Variants in AGBL4 observed in about 807,000 individuals in gnomAD.
AGBL4 encodes cytosolic carboxypeptidase 6.
Under a neutral mutation model 66.4 loss-of-function variants are expected in AGBL4, and 58 were observed. The ratio of observed to expected loss-of-function variants is 0.87; its 90% confidence interval spans 0.71 to 1.09. The LOEUF is 1.09. AGBL4 is among the 50% of genes least tolerant of loss of function. The probability of loss-of-function intolerance (pLI) is 0.00; values close to 1 mark genes in which losing one functional copy is unlikely to be tolerated. For synonymous variants in AGBL4, 234 were observed against 222.9 expected (o/e 1.05, Z -0.44); for missense variants, 579 against 631.0 (o/e 0.92, Z 0.88).
chr1:49,911,459 A>C (rs937372394), intron 1 of AGBL4, among the ~76,000 whole-genome samples: 1 of 152,178 alleles, frequency 6.6e-6, no homozygotes, highest in Non-Finnish European at 1.5e-5. Context: ...ATACAATATA[A>C]ATCATGCTCA....
chr1:49,724,526 T>A (rs1284424800), intron 2 of AGBL4, among the ~76,000 whole-genome samples: 3 of 152,160 alleles, frequency 2.0e-5, no homozygotes, highest in Non-Finnish European at 4.4e-5. Flanking sequence ...TCTATTATCA[T>A]AGAAGCAAAC....
intron 1 of AGBL4, among the ~76,000 whole-genome samples, chr1:49,875,862 G>A (rs1646987553): frequency 6.7e-6 from 1 of 148,876 alleles, no homozygotes; most frequent in Admixed American, 6.8e-5. Flanking sequence ...ACTGGTGTGA[G>A]ATGATATCTC....
chr1:49,628,920 C>T (rs1401352493), intron 3 of AGBL4, among the ~76,000 whole-genome samples: 1 of 152,176 alleles, frequency 6.6e-6, no homozygotes, highest in Non-Finnish European at 1.5e-5. Context: ...CAATGATACC[C>T]TGTTAGACTC....
At position 49,948,016 on chromosome 1, in the gene AGBL4, A is replaced by ATT. The variant is rs1557607752; in HGVS notation, c.34+75746_34+75747insAA. ...TATATATAAATATATATAAATATAT[A>ATT]AATATATATAAATATATATACATAT... On this transcript the variant is annotated intron_variant, in intron 1 of 13. Coordinates refer to ENST00000371839, the MANE Select transcript of AGBL4 (RefSeq NM_032785.4). Among the ~76,000 whole-genome samples the ATT allele has an allele frequency of 1.6e-3, 49 of 29,742 alleles. 2 individuals carry two copies. Among genetic ancestry groups the ATT allele is most frequent in the African/African-American group, 2.9e-3 (18 of 6,174 alleles). 19.5% of individuals were successfully genotyped at this position (29,742 alleles called of 152,430 possible).
chr1:49,959,283 C>G (rs900722899), intron 1 of AGBL4, among the ~76,000 whole-genome samples: 2 of 151,886 alleles, frequency 1.3e-5, no homozygotes, highest in African/African-American at 4.8e-5. Context: ...GCATTATGAG[C>G]CTTTTGAAAA....
intron 3 of AGBL4, among the ~76,000 whole-genome samples, chr1:49,284,698 A>C (rs1314443285): frequency 2.0e-5 from 3 of 152,104 alleles, no homozygotes; most frequent in African/African-American, 7.2e-5. Flanking sequence ...CAAATGGAAA[A>C]CAAAAAAAGG....
chr1:49,335,936 TTC>T (rs1645429647), intron 3 of AGBL4, among the ~76,000 whole-genome samples: 1 of 152,218 alleles, frequency 6.6e-6, no homozygotes, highest in African/African-American at 2.4e-5. Flanking sequence ...CATTTGTGTG[TTC>T]TTTTTTCCTA....
chr1:49,629,714 C>T (rs1645533304), intron 3 of AGBL4, among the ~76,000 whole-genome samples: 1 of 152,056 alleles, frequency 6.6e-6, no homozygotes, highest in Admixed American at 6.6e-5. Context: ...GTACAGTCAT[C>T]CAAATACATG....
intron 2 of AGBL4, among the ~76,000 whole-genome samples, chr1:49,841,089 T>C (rs996441832): frequency 1.3e-5 from 2 of 152,214 alleles, no homozygotes; most frequent in African/African-American, 4.8e-5. Context: ...AATATGACTG[T>C]ATACTTAGAA....
chr1:49,715,722 T>G (rs1471647087), intron 2 of AGBL4, among the ~76,000 whole-genome samples: 1 of 152,188 alleles, frequency 6.6e-6, no homozygotes, highest in African/African-American at 2.4e-5. Flanking sequence ...ATGATGAGCC[T>G]TTTTTCATAT....
chr1:48,800,456 G>A (rs1055433779), intron 6 of AGBL4, among the ~76,000 whole-genome samples: 1 of 152,040 alleles, frequency 6.6e-6, no homozygotes, highest in African/African-American at 2.4e-5. Flanking sequence ...CCAGCTTTTT[G>A]TTTCATTTAT....
At chr1:49,255,908 G>A (rs1215775286) in intron 3 of AGBL4, among the ~76,000 whole-genome samples, 3 of 152,230 alleles carry the variant, frequency 2.0e-5, no homozygotes, top group South Asian at 2.1e-4. Context: ...ACTAAAGTAG[G>A]AACAGAAAAC....
In AGBL4 at chr1:48,663,144, C is replaced by T. The variant is rs756465670; in HGVS notation, c.724+8G>A. The T allele has an allele frequency of 1.2e-6, 2 of 1,613,822 alleles. No individual in the cohort carries two copies. The highest frequency in any genetic ancestry group is 1.1e-5 in the South Asian group (1 of 91,068). Reference sequence around the variant, plus strand: ...GGTATAGGATACCTATGAGATCCTGCCACTCACCTTGGCACACAAATGATG... The same window carrying T: ...GGTATAGGATACCTATGAGATCCTGTCACTCACCTTGGCACACAAATGATG... On this transcript the variant is annotated splice_region_variant and intron_variant, in intron 7 of 13. Transcript: ENST00000371839.
intron 6 of AGBL4, among the ~76,000 whole-genome samples, chr1:48,682,438 T>C (rs1646469640): frequency 6.6e-6 from 1 of 151,126 alleles, no homozygotes; most frequent in South Asian, 2.1e-4. Context: ...AGACAGGGTC[T>C]CACTCTGTCA....
chr1:49,415,022 G>A (rs891550049), intron 3 of AGBL4, among the ~76,000 whole-genome samples: 4 of 152,132 alleles, frequency 2.6e-5, no homozygotes. Context: ...CTGAGGCATA[G>A]AGAGGAGAAA....
intron 6 of AGBL4, among the ~76,000 whole-genome samples, chr1:48,755,967 A>C (rs961801918): frequency 6.6e-6 from 1 of 152,214 alleles, no homozygotes; most frequent in African/African-American, 2.4e-5. Context: ...TAACCTGCCC[A>C]AGGTCATATA....
chr1:49,517,583 C>T (rs1649934751), intron 3 of AGBL4, among the ~76,000 whole-genome samples: 1 of 151,856 alleles, frequency 6.6e-6, no homozygotes, highest in Admixed American at 6.6e-5. Flanking sequence ...AGGCACTATG[C>T]TAGGAGCGTT....
At chr1:48,581,147 A>G (rs1644734146) in intron 11 of AGBL4, among the ~76,000 whole-genome samples, 1 of 152,094 alleles carries the variant, frequency 6.6e-6, no homozygotes, top group African/African-American at 2.4e-5. Flanking sequence ...GCAGAGACCA[A>G]GCTTTTTTCA....
intron 2 of AGBL4, among the ~76,000 whole-genome samples, chr1:49,724,486 G>A (rs1648860956): frequency 6.6e-6 from 1 of 152,160 alleles, no homozygotes; most frequent in Admixed American, 6.6e-5. Flanking sequence ...CACTTCAAGT[G>A]TGATGAGTGT....
Sources: allele counts gnomAD v4.1 joint callset (sites outside exome capture counted in the v4.1 genomes callset), GRCh38; gene constraint gnomAD v4.1.1; transcripts MANE v1.5; gene names NCBI Gene and HGNC (gene_info 2026-07-23, HGNC 2026-07-21).